The following INPP4B variants were observed in gnomAD, a reference collection of about 807,000 sequenced individuals.
The protein encoded by INPP4B is inositol polyphosphate 4-phosphatase type II.
A neutral mutation model predicts 122.5 loss-of-function variants in INPP4B; 55 were observed. That is an observed-to-expected ratio of 0.45 (90% CI 0.36 to 0.56). INPP4B has a LOEUF of 0.56. Ranked by LOEUF, INPP4B falls within the 20% of genes least tolerant of loss-of-function variation. INPP4B has a pLI of 0.00. For missense variants in INPP4B, 1,000 were observed against 1,097.7 expected, an observed-to-expected ratio of 0.91 and a Z score of 1.26; for synonymous variants, 403 against 388.7, an observed-to-expected ratio of 1.04 and a Z score of -0.43.
chr4:142,237,234 A>G (rs28672226), intron 12 of INPP4B, among the ~76,000 whole-genome samples: 21,190 of 152,128 alleles, frequency 0.14, 1,799 homozygotes, highest in African/African-American at 0.24. Flanking sequence ...AGAGTCAAAT[A>G]GGAATTACTT....
intron 17 of INPP4B, among the ~76,000 whole-genome samples, chr4:142,151,928 T>C (rs1008730258): frequency 6.6e-6 from 1 of 152,148 alleles, no homozygotes; most frequent in South Asian, 2.1e-4. Context: ...ATTTCCAATA[T>C]CTTGAAACAT....
chr4:142,602,007 A>AAAT (rs1223867145), intron 2 of INPP4B, among the ~76,000 whole-genome samples: 2 of 151,728 alleles, frequency 1.3e-5, no homozygotes, highest in African/African-American at 4.8e-5. Flanking sequence ...AAAAGAAAGG[A>AAAT]AATAATAAAG....
At chr4:142,611,100 A>G (rs1387437181) in intron 2 of INPP4B, among the ~76,000 whole-genome samples, 1 of 152,216 alleles carries the variant, frequency 6.6e-6, no homozygotes, top group Non-Finnish European at 1.5e-5. Flanking sequence ...GAAACTTTCA[A>G]TCATGGCAAA....
intron 1 of INPP4B, among the ~76,000 whole-genome samples, chr4:142,832,022 T>C (rs1034704067): frequency 1.3e-5 from 2 of 152,216 alleles, no homozygotes; most frequent in African/African-American, 4.8e-5. Context: ...AAGACATATC[T>C]TCTAAGACAG....
intron 18 of INPP4B, among the ~76,000 whole-genome samples, chr4:142,145,011 A>T (rs1213086923): frequency 6.6e-6 from 1 of 152,128 alleles, no homozygotes; most frequent in Non-Finnish European, 1.5e-5. Flanking sequence ...CCAGCAAAAA[A>T]GTCTGACTCA....
At chr4:142,729,302 C>T (rs779241698) in intron 1 of INPP4B, among the ~76,000 whole-genome samples, 18 of 152,160 alleles carry the variant, frequency 1.2e-4, no homozygotes, top group Admixed American at 6.5e-4. Context: ...TCCCTGCTAG[C>T]TCATCAAACA....
chr4:142,283,050 A>AG (rs767340499), intron 9 of INPP4B, among the ~76,000 whole-genome samples: 11 of 152,100 alleles, frequency 7.2e-5, no homozygotes, highest in Admixed American at 2.0e-4. Flanking sequence ...AATAAACTGT[A>AG]GGGGGCAGAG....
chr4:142,736,319 G>C (rs1766880657), intron 1 of INPP4B, among the ~76,000 whole-genome samples: 1 of 151,832 alleles, frequency 6.6e-6, no homozygotes, highest in African/African-American at 2.4e-5. Flanking sequence ...ACTTGCTCTT[G>C]TAATTTTTTT....
intron 2 of INPP4B, among the ~76,000 whole-genome samples, chr4:142,484,003 G>A (rs1252027660): frequency 6.6e-6 from 1 of 151,920 alleles, no homozygotes; most frequent in Non-Finnish European, 1.5e-5. Context: ...AACTTTTCCT[G>A]TCCTGGGATA....
At chr4:142,524,955 T>C (rs537420697) in intron 2 of INPP4B, among the ~76,000 whole-genome samples, 3 of 152,248 alleles carry the variant, frequency 2.0e-5, no homozygotes, top group Admixed American at 2.0e-4. Flanking sequence ...ATTCTCCCTG[T>C]TTGCAGACGA....
chr4:142,104,962 A>G (rs1786262607), intron 23 of INPP4B, among the ~76,000 whole-genome samples: 1 of 152,100 alleles, frequency 6.6e-6, no homozygotes, highest in Non-Finnish European at 1.5e-5. Context: ...CTGCCAACAC[A>G]GAACACACAT....
At chr4:142,541,604 G>A (rs532399145) in intron 2 of INPP4B, among the ~76,000 whole-genome samples, 2 of 152,298 alleles carry the variant, frequency 1.3e-5, no homozygotes, top group East Asian at 3.9e-4. Context: ...TTGCAGAAAT[G>A]AAGCTGAGCT....
chr4:142,630,974 C>A (rs895327675), intron 2 of INPP4B, among the ~76,000 whole-genome samples: 3 of 152,092 alleles, frequency 2.0e-5, no homozygotes, highest in African/African-American at 7.2e-5. Context: ...AGGTGCCTGG[C>A]AGGAGCTAAC....
intron 24 of INPP4B, among the ~76,000 whole-genome samples, chr4:142,084,779 C>T (rs336327): frequency 0.89 from 135,426 of 152,218 alleles, 61,721 homozygotes; most frequent in Non-Finnish European, 0.98. Context: ...TACTAAAATA[C>T]ACATTTGTGT....
At chr4:142,324,002 T>A (rs534533775) in intron 7 of INPP4B, among the ~76,000 whole-genome samples, 1 of 152,254 alleles carries the variant, frequency 6.6e-6, no homozygotes, top group African/African-American at 2.4e-5. Flanking sequence ...CAGAACGTAA[T>A]TATTTGAGAT....
chr4:142,717,697 A>C (rs963332659), intron 2 of INPP4B, among the ~76,000 whole-genome samples: 1 of 151,992 alleles, frequency 6.6e-6, no homozygotes, highest in African/African-American at 2.4e-5. Flanking sequence ...CAATGAGAAC[A>C]CTTGGACACA....
chr4:142,652,287 A>G (rs1327810019), intron 2 of INPP4B, among the ~76,000 whole-genome samples: 1 of 152,218 alleles, frequency 6.6e-6, no homozygotes, highest in Non-Finnish European at 1.5e-5. Context: ...AAAAACTGGA[A>G]GCATTCCCTT....
chr4:142,221,639 A>G (rs1490265738), intron 12 of INPP4B, among the ~76,000 whole-genome samples: 1 of 151,888 alleles, frequency 6.6e-6, no homozygotes, highest in African/African-American at 2.4e-5. Flanking sequence ...CTCTTTTTAA[A>G]TAAATTACAG....
At chr4:142,646,992 A>C (rs538705278) in intron 2 of INPP4B, among the ~76,000 whole-genome samples, 1 of 152,304 alleles carries the variant, frequency 6.6e-6, no homozygotes, top group Admixed American at 6.5e-5. Flanking sequence ...CAATACAATG[A>C]TTTCACTGAG....
Sources: allele counts gnomAD v4.1 joint callset (sites outside exome capture counted in the v4.1 genomes callset), GRCh38; gene constraint gnomAD v4.1.1; transcripts MANE v1.5; gene names NCBI Gene and HGNC (gene_info 2026-07-23, HGNC 2026-07-21).